Variants in NPR3 observed in about 807,000 individuals in gnomAD.
The protein encoded by NPR3 is atrial natriuretic peptide receptor 3.
In NPR3, 34 loss-of-function variants were observed where a neutral mutation model predicts 54.5. The observed-to-expected ratio is 0.62, with a 90% CI of 0.47 to 0.83. NPR3 has a LOEUF of 0.83. NPR3 is among the 40% of genes least tolerant of loss of function. The pLI is 0.00. For missense variants in NPR3, 674 were observed against 720.8 expected (o/e 0.94, Z 0.74); for synonymous variants, 289 against 297.1 (o/e 0.97, Z 0.28).
chr5:32,751,671 G>T (rs558213961), intron 3 of NPR3, among the ~76,000 whole-genome samples: 11 of 152,242 alleles, frequency 7.2e-5, no homozygotes, highest in African/African-American at 2.6e-4. Flanking sequence ...TATTGATAGG[G>T]GGGTGGGATG....
intron 3 of NPR3, among the ~76,000 whole-genome samples, chr5:32,749,749 A>G (rs1740481147): frequency 6.6e-6 from 1 of 152,142 alleles, no homozygotes; most frequent in Non-Finnish European, 1.5e-5. Flanking sequence ...TTTATGCTTC[A>G]CCCAATCTTC....
At chr5:32,780,616 G>A in intron 4 of NPR3, 106 bp from the exon 5 acceptor site, 2 of 758,526 alleles carry the variant, frequency 2.6e-6, no homozygotes, top group South Asian at 2.7e-5. Context: ...ATTCCCTGTG[G>A]CATGAGTTTG....
intron 7 of NPR3, among the ~76,000 whole-genome samples, chr5:32,785,572 A>G (rs1579716211): frequency 1.3e-5 from 2 of 152,206 alleles, no homozygotes; most frequent in African/African-American, 4.8e-5. Flanking sequence ...ATTCAGAAAT[A>G]GATGCCTGGG....
chr5:32,703,046 T>C (rs1737871982), intron 1 of NPR3, among the ~76,000 whole-genome samples: 1 of 152,202 alleles, frequency 6.6e-6, no homozygotes, highest in Non-Finnish European at 1.5e-5. Flanking sequence ...ACATGACAAA[T>C]TCTGTGCCAC....
intron 2 of NPR3, among the ~76,000 whole-genome samples, chr5:32,730,196 G>T (rs1231111268): frequency 3.4e-5 from 5 of 149,062 alleles, no homozygotes; most frequent in South Asian, 4.2e-4. Flanking sequence ...AATTAAGGAA[G>T]TTAAAAAAAA....
chr5:32,769,466 C>T lies in NPR3; in HGVS notation c.1060-5242C>T, dbSNP rs577182356. On this transcript the variant is annotated intron_variant, in intron 3 of 7. Transcript: ENST00000265074. ...GGACAAGCCTATGATGGGCCCATCT[C>T]TTCTCTTACCTACTTTCCATCCAAA... is the stretch of plus-strand genomic sequence containing the variant. Among the ~76,000 whole-genome samples the T allele has an allele frequency of 2.6e-5, 4 of 152,322 alleles. No individual in the cohort carries two copies. The South Asian group carries it at 8.3e-4, about 32-fold the overall frequency.
intron 3 of NPR3, among the ~76,000 whole-genome samples, chr5:32,747,445 T>C (rs1052580308): frequency 1.3e-5 from 2 of 152,198 alleles, no homozygotes; most frequent in African/African-American, 4.8e-5. Flanking sequence ...TAGAACCATA[T>C]AGTATTCTAC....
At chr5:32,695,649 A>G (rs780462647) in intron 1 of NPR3, among the ~76,000 whole-genome samples, 2 of 152,208 alleles carry the variant, frequency 1.3e-5, no homozygotes, top group Non-Finnish European at 2.9e-5. Flanking sequence ...ACAGTGTACA[A>G]GAGTTCCCTT....
rs1579652826 is a variant in NPR3, at chr5:32,750,750, T to G, written c.1059+11720T>G. Among the ~76,000 whole-genome samples the G allele has an allele frequency of 3.3e-5, 5 of 152,220 alleles. No individual in the cohort carries two copies. In the South Asian group the frequency reaches 1.0e-3, roughly 31 times the overall value. ...CCTAGCTCCTTTAGAAATTCCCATT[T>G]GGTTATAGTTTCCTTCTAAGGGCTG... is the stretch of plus-strand genomic sequence containing the variant. On this transcript the variant is annotated intron_variant, in intron 3 of 7. Coordinates refer to ENST00000265074, the MANE Select transcript of NPR3 (RefSeq NM_001204375.2).
chr5:32,715,152 G>T (rs930965225), intron 1 of NPR3, among the ~76,000 whole-genome samples: 2 of 152,218 alleles, frequency 1.3e-5, no homozygotes. Flanking sequence ...TCTGGATTTG[G>T]CTGGCCTCCT....
Position 32,789,794 on chromosome 5 carries a change from G to C in NPR3, c.*3449G>C, listed in dbSNP as rs912598887. 2 of 512,168 alleles carry C rather than the reference G, an allele frequency of 3.9e-6. No homozygotes were observed. Among genetic ancestry groups the C allele is most frequent in the Admixed American group, 2.1e-5 (1 of 48,246 alleles). The allele number at this position is 512,168 out of a possible 1,614,324, so 31.7% of individuals were successfully genotyped here. A position where few individuals can be genotyped will look rare whatever the true frequency, so the allele number is the denominator to read the frequency against. ...TCTCATGCAGATAGTGATGGATTCA[G>C]AAAGTAGGTTCCAGTGGCGTCACTA... On this transcript the variant is annotated 3_prime_UTR_variant, in exon 8 of 8. Coordinates refer to ENST00000265074, the MANE Select transcript of NPR3 (RefSeq NM_001204375.2).
intron 2 of NPR3, among the ~76,000 whole-genome samples, chr5:32,734,836 C>T (rs1315719968): frequency 6.6e-6 from 1 of 152,108 alleles, no homozygotes; most frequent in Non-Finnish European, 1.5e-5. Flanking sequence ...AGTGGCTCCT[C>T]TGTGAGACAG....
chr5:32,711,786 C>T lies in NPR3; in HGVS notation c.10C>T (p.Leu4=). Residue 4 remains leucine, a synonymous_variant, in exon 1 of 8, where the codon CTG becomes TTG. Transcript: ENST00000265074. ...TCTTTCTTGCGGCACGATGCCGTCT[C>T]TGCTGGTGCTCACTTTCTCCCCGTG... MPS[L]LVLTFSPCVL... is the part of the protein sequence containing the mutation. The T allele has an allele frequency of 2.1e-6, 3 of 1,430,752 alleles. No individual in the cohort carries two copies. The highest frequency in any genetic ancestry group is 2.7e-6 in the Non-Finnish European group (3 of 1,091,164). 88.6% of individuals were successfully genotyped at this position (1,430,752 alleles called of 1,614,324 possible).
At position 32,712,488 on chromosome 5, in the gene NPR3, G is replaced by C. The variant is rs767430720; in HGVS notation, c.712G>C (p.Glu238Gln). 1.5e-5 allele frequency: 23 copies of C among 1,570,694 alleles called. No individual in the cohort carries two copies. In the South Asian group the frequency reaches 2.7e-4, roughly 18 times the overall value. The part of the protein sequence containing the change: ...GLHTSIYSFD[E>Q]TKDLDLEDIV... ...GCACACGTCCATCTACAGTTTCGAC[G>C]AGACCAAAGACTTGGATCTGGAAGA... Residue 238 changes from glutamate to glutamine, a missense_variant, in exon 1 of 8, where the codon GAG becomes CAG. Physicochemically the swap from Glu to Gln is conservative, Grantham distance 29 (BLOSUM62 2). Transcript: ENST00000265074.
Position 32,712,120 on chromosome 5 carries a change from G to A in NPR3, c.344G>A (p.Ser115Asn), listed in dbSNP as rs1221468684. ...DSDCGNRALF[S>N]LVDRVAAARG... is the part of the protein sequence containing the mutation. ...GACTGTGGGAACCGTGCGCTCTTCA[G>A]CTTGGTGGACCGCGTGGCGGCGGCG... Residue 115 changes from serine (S) to asparagine (N), a missense_variant, in exon 1 of 8, where the codon AGC (serine) becomes AAC (asparagine). Transcript: ENST00000265074. The A allele has an allele frequency of 6.2e-7, 1 of 1,613,708 alleles. No homozygotes were observed. Among genetic ancestry groups the A allele is most frequent in the Non-Finnish European group, 8.5e-7 (1 of 1,179,800 alleles).
In NPR3 at chr5:32,774,774, C is replaced by T. The variant is rs768207020; in HGVS notation, c.1126C>T (p.Leu376Phe). Residue 376 changes from leucine to phenylalanine, a missense_variant, in exon 4 of 8, where the codon CTC becomes TTC. Physicochemically the swap from Leu to Phe is conservative, Grantham distance 22 (BLOSUM62 0). Coordinates refer to ENST00000265074, the MANE Select transcript of NPR3 (RefSeq NM_001204375.2). ...LLYVLALHEV[L>F]RAGYSKKDGG... ...CTACGTCTTGGCTCTACATGAAGTA[C>T]TCAGAGCTGGTTACAGCAAAAAGGA... 8.1e-6 allele frequency: 13 copies of T among 1,600,878 alleles called. No homozygotes were observed. The highest frequency in any genetic ancestry group is 2.7e-5 in the African/African-American group (2 of 74,656).
In NPR3 at chr5:32,711,550, T is replaced by TTTTCTG; in HGVS notation, c.-222_-221insGTTTCT. On this transcript the variant is annotated 5_prime_UTR_variant, in exon 1 of 8. Transcript: ENST00000265074. Reference sequence around the variant, plus strand: ...CGCACAGGTTTACACCCGGTGAACTTTTTCTTTTTCTTTTTCTTTTTTTTT... The same window carrying TTTTCTG: ...CGCACAGGTTTACACCCGGTGAACTTTTTCTGTTTCTTTTTCTTTTTCTTTTTTTTT... The TTTTCTG allele has an allele frequency of 8.1e-7, 1 of 1,232,766 alleles. No homozygotes were observed. The highest frequency in any genetic ancestry group is 1.0e-6 in the Non-Finnish European group (1 of 990,782). The allele number at this position is 1,232,766 out of a possible 1,614,324, so 76.4% of individuals were successfully genotyped here. A position where few individuals can be genotyped will look rare whatever the true frequency, so the allele number is the denominator to read the frequency against.
chr5:32,703,221 C>T (rs1019190441), intron 1 of NPR3, among the ~76,000 whole-genome samples: 6 of 152,102 alleles, frequency 3.9e-5, no homozygotes, highest in Non-Finnish European at 8.8e-5. Context: ...CTTCAGGGCA[C>T]TGGGCTCCCC....
At chr5:32,772,233 T>C (rs1387556919) in intron 3 of NPR3, among the ~76,000 whole-genome samples, 1 of 152,258 alleles carries the variant, frequency 6.6e-6, no homozygotes, top group Non-Finnish European at 1.5e-5. Flanking sequence ...ATCAGTTTCT[T>C]CCACGGTCCC....
Sources: allele counts gnomAD v4.1 joint callset (sites outside exome capture counted in the v4.1 genomes callset), GRCh38; gene constraint gnomAD v4.1.1; transcripts MANE v1.5; gene names NCBI Gene and HGNC (gene_info 2026-07-23, HGNC 2026-07-21).